The following PTPN9 variants were observed in gnomAD, a reference collection of about 807,000 sequenced individuals.
PTPN9 encodes the protein protein tyrosine phosphatase non-receptor type 9, also known as tyrosine-protein phosphatase non-receptor type 9.
Under a neutral mutation model 69.8 loss-of-function variants are expected in PTPN9, and 26 were observed. That is an observed-to-expected ratio of 0.37 (90% confidence interval 0.27 to 0.52). The LOEUF (loss-of-function observed/expected upper bound fraction) is 0.52. PTPN9 is among the 20% of genes least tolerant of loss of function. The probability of loss-of-function intolerance (pLI) is 0.91; values close to 1 mark genes in which losing one functional copy is unlikely to be tolerated. For missense variants in PTPN9, 549 were observed against 740.3 expected (o/e 0.74, Z 3.00); for synonymous variants, 274 against 272.5 (o/e 1.01, Z -0.05).
At chr15:75,487,074 C>T (rs930355021) in intron 8 of PTPN9, among the ~76,000 whole-genome samples, 6 of 151,858 alleles carry the variant, frequency 4.0e-5, no homozygotes, top group Non-Finnish European at 7.4e-5. Context: ...TGTGAGCCAC[C>T]GTGCCCGGCA....
intron 7 of PTPN9, among the ~76,000 whole-genome samples, chr15:75,503,920 C>T (rs1438852224): frequency 8.4e-6 from 1 of 118,878 alleles, no homozygotes; most frequent in Admixed American, 8.4e-5. Context: ...CAGCCCCCCG[C>T]CCGGCCAGCC....
At chr15:75,515,759 G>T (rs1162207682) in intron 5 of PTPN9, among the ~76,000 whole-genome samples, 5 of 151,986 alleles carry the variant, frequency 3.3e-5, no homozygotes, top group African/African-American at 9.7e-5. Context: ...TTGGCCGGGC[G>T]GGGTGGCAGG....
intron 10 of PTPN9, 102 bp downstream of exon 10, chr15:75,473,587 G>A: frequency 1.9e-6 from 2 of 1,058,166 alleles, no homozygotes; most frequent in Non-Finnish European, 2.9e-6. Flanking sequence ...ACCGTGCCAG[G>A]CTGACCCTCA....
intron 1 of PTPN9, among the ~76,000 whole-genome samples, chr15:75,572,594 A>C (rs991434295): frequency 1.6e-4 from 25 of 152,092 alleles, no homozygotes; most frequent in African/African-American, 6.0e-4. Context: ...GCATGCCTGT[A>C]GTCCCAGCTA....
chr15:75,468,793 GTTTTGGC>G lies in PTPN9; in HGVS notation c.1751_1757del (p.Gly584AlafsTer29), dbSNP rs1567458689. On this transcript the variant is annotated frameshift_variant, in exon 13 of 13. Coordinates refer to ENST00000618819, the MANE Select transcript of PTPN9 (RefSeq NM_002833.4). LOFTEE classifies it high-confidence loss of function. ...GTTACTGACTCTCCACGGCCAGCAG[GTTTTGGC>G]CAGAGGATACCATGCCCTCCTTCTC... 3 of 1,613,952 alleles carry G rather than the reference GTTTTGGC, an allele frequency of 1.9e-6. No homozygotes were observed. In the African/African-American group the frequency reaches 4.0e-5, roughly 22 times the overall value.
At chr15:75,496,652 A>G (rs532705271) in intron 7 of PTPN9, among the ~76,000 whole-genome samples, 1 of 151,856 alleles carries the variant, frequency 6.6e-6, no homozygotes, top group South Asian at 2.1e-4. Context: ...ACACGCCACC[A>G]CACCAAGCTA....
At chr15:75,567,983 G>A (rs1282051557) in intron 1 of PTPN9, among the ~76,000 whole-genome samples, 3 of 145,010 alleles carry the variant, frequency 2.1e-5, no homozygotes, top group East Asian at 2.0e-4. Context: ...GCGACACAGC[G>A]AGACTCCGTC....
At chr15:75,519,672 A>G (rs747777155) in intron 4 of PTPN9, among the ~76,000 whole-genome samples, 6 of 151,032 alleles carry the variant, frequency 4.0e-5, no homozygotes, top group Non-Finnish European at 8.8e-5. Context: ...GGGTTTCATT[A>G]TGTTGCCCAG....
At chr15:75,515,883 G>T (rs986179849) in intron 5 of PTPN9, among the ~76,000 whole-genome samples, 2 of 151,656 alleles carry the variant, frequency 1.3e-5, no homozygotes, top group Non-Finnish European at 2.9e-5. Context: ...GGCGACAAGA[G>T]CAAGACTCCA....
chr15:75,547,165 T>C (rs768010460), intron 1 of PTPN9, among the ~76,000 whole-genome samples: 8 of 151,338 alleles, frequency 5.3e-5, no homozygotes, highest in Non-Finnish European at 1.0e-4. Flanking sequence ...TGTGGTGGTG[T>C]GCACCTGTAG....
chr15:75,479,039 T>G (rs1319108659), intron 9 of PTPN9, among the ~76,000 whole-genome samples: 1 of 152,202 alleles, frequency 6.6e-6, no homozygotes, highest in Non-Finnish European at 1.5e-5. Flanking sequence ...CTGGGCATGG[T>G]GGCTCACGCC....
intron 7 of PTPN9, among the ~76,000 whole-genome samples, chr15:75,491,077 C>T (rs1321460468): frequency 2.0e-5 from 3 of 152,062 alleles, no homozygotes; most frequent in Non-Finnish European, 4.4e-5. Context: ...CCACTGCACA[C>T]CAGCCTGGGT....
intron 1 of PTPN9, among the ~76,000 whole-genome samples, chr15:75,555,226 C>T (rs1448781528): frequency 6.6e-6 from 1 of 152,144 alleles, no homozygotes; most frequent in African/African-American, 2.4e-5. Flanking sequence ...TCATCCAGTT[C>T]AGACTGCTTC....
intron 1 of PTPN9, among the ~76,000 whole-genome samples, chr15:75,548,643 CA>C (rs2075044300): frequency 6.7e-6 from 1 of 148,944 alleles, no homozygotes; most frequent in Non-Finnish European, 1.5e-5. Context: ...CCTTTAGAGA[CA>C]AGGGGAAATT....
intron 1 of PTPN9, among the ~76,000 whole-genome samples, chr15:75,559,231 G>A (rs572850986): frequency 1.6e-3 from 246 of 152,286 alleles, no homozygotes; most frequent in South Asian, 4.6e-3. Context: ...TCTAAGAAGT[G>A]AGGATCCCCT....
chr15:75,538,328 C>G (rs2074994035), intron 1 of PTPN9, among the ~76,000 whole-genome samples: 1 of 152,086 alleles, frequency 6.6e-6, no homozygotes, highest in African/African-American at 2.4e-5. Context: ...CTGCTATTAC[C>G]ACCACTATGT....
chr15:75,474,345 C>G (rs923198920), intron 9 of PTPN9, among the ~76,000 whole-genome samples: 1 of 152,014 alleles, frequency 6.6e-6, no homozygotes, highest in African/African-American at 2.4e-5. Context: ...ATGGTAAAAC[C>G]CCATCTCTAT....
At chr15:75,528,165 C>T (rs1405226941) in intron 1 of PTPN9, among the ~76,000 whole-genome samples, 2 of 152,154 alleles carry the variant, frequency 1.3e-5, no homozygotes, top group Admixed American at 6.5e-5. Context: ...TCAATAACAG[C>T]CCCTCTGGAT....
At chr15:75,529,544 G>A (rs1483991210) in intron 1 of PTPN9, among the ~76,000 whole-genome samples, 11 of 152,142 alleles carry the variant, frequency 7.2e-5, no homozygotes, top group Admixed American at 5.9e-4. Context: ...GGTTTGCTTC[G>A]AAAGGTATAA....
Sources: gnomAD v4.1 joint callset for allele counts (sites outside exome capture counted in the v4.1 genomes callset) on GRCh38, gnomAD v4.1.1 for gene constraint, MANE v1.5 for transcripts, NCBI Gene and HGNC (gene_info 2026-07-23, HGNC 2026-07-21) for gene names.